Variants in CACNA2D1 observed in about 807,000 individuals in gnomAD.
CACNA2D1 encodes the protein calcium voltage-gated channel auxiliary subunit alpha2delta 1, also known as voltage-dependent calcium channel subunit alpha-2/delta-1.
Under a neutral mutation model 171.5 loss-of-function variants are expected in CACNA2D1, and 53 were observed. The observed-to-expected ratio is 0.31, with a 90% CI of 0.25 to 0.39. The LOEUF is 0.39. Among genes scored for constraint, CACNA2D1 ranks in the 10% least tolerant of loss-of-function variants. The pLI, the probability that CACNA2D1 is intolerant of heterozygous loss-of-function variation, is 1.00. For missense variants in CACNA2D1, 903 were observed against 1,299.8 expected, an observed-to-expected ratio of 0.69 and a Z score of 4.69; for synonymous variants, 442 against 443.1, an observed-to-expected ratio of 1.00 and a Z score of 0.03.
At chr7:82,086,238 A>G (rs905113541) in intron 6 of CACNA2D1, among the ~76,000 whole-genome samples, 2 of 152,218 alleles carry the variant, frequency 1.3e-5, no homozygotes, top group African/African-American at 2.4e-5. Flanking sequence ...CGCCTGTGAA[A>G]CAAGATGCAC....
intron 12 of CACNA2D1, among the ~76,000 whole-genome samples, chr7:82,024,727 A>C (rs1212187588): frequency 6.6e-6 from 1 of 151,670 alleles, no homozygotes; most frequent in African/African-American, 2.4e-5. Context: ...AAATAAATGA[A>C]TGCCATGAAG....
intron 7 of CACNA2D1, among the ~76,000 whole-genome samples, chr7:82,074,385 G>A (rs1265933319): frequency 1.3e-5 from 2 of 151,946 alleles, no homozygotes; most frequent in Admixed American, 6.6e-5. Context: ...CCGCCATTAC[G>A]CCTGGCTAAT....
intron 1 of CACNA2D1, among the ~76,000 whole-genome samples, chr7:82,412,763 G>A (rs530497150): frequency 4.8e-4 from 73 of 151,606 alleles, no homozygotes; most frequent in Non-Finnish European, 9.4e-4. Context: ...GGTCTAAGTG[G>A]TGAAAATTAT....
At chr7:82,410,527 G>A in intron 1 of CACNA2D1, 5 of 985,378 alleles carry the variant, frequency 5.1e-6, no homozygotes, top group Non-Finnish European at 6.0e-6. Flanking sequence ...TGGTCTGAAG[G>A]TGCACGCTAC....
intron 3 of CACNA2D1, among the ~76,000 whole-genome samples, chr7:82,240,578 C>T (rs2129294195): frequency 6.6e-6 from 1 of 152,218 alleles, no homozygotes; most frequent in South Asian, 2.1e-4. Flanking sequence ...TTCTCACAAA[C>T]CGTATCTTTT....
At position 81,980,081 on chromosome 7, in the gene CACNA2D1, G is replaced by A. The variant is rs147110970; in HGVS notation, c.1955+2486C>T. Among the ~76,000 whole-genome samples, 20 of 90,474 alleles carry A rather than the reference G, an allele frequency of 2.2e-4. 1 individual carries two copies. The highest frequency in any genetic ancestry group is 4.3e-3 in the Middle Eastern group (1 of 232). 59.4% of individuals were successfully genotyped at this position (90,474 alleles called of 152,430 possible). ...TGAGGAATTTTTAAGTTGGGATTTC[G>A]GAGGGAGCGGGATGCATATGTATGT... is the stretch of plus-strand genomic sequence containing the variant. On this transcript the variant is annotated intron_variant, in intron 24 of 38. Transcript: ENST00000356860.
chr7:82,145,281 TA>T (rs1221341307), intron 4 of CACNA2D1, among the ~76,000 whole-genome samples: 2 of 144,450 alleles, frequency 1.4e-5, no homozygotes, highest in South Asian at 2.1e-4. Flanking sequence ...TAAAATAAAA[TA>T]AAAAATAAAA....
chr7:82,327,522 TAATCA>T (rs1816800701), intron 3 of CACNA2D1, among the ~76,000 whole-genome samples: 1 of 152,244 alleles, frequency 6.6e-6, no homozygotes. Flanking sequence ...CAGTCTCAGT[TAATCA>T]ATTAAAATAT....
At chr7:82,155,339 G>C (rs957288395) in intron 4 of CACNA2D1, among the ~76,000 whole-genome samples, 1 of 152,088 alleles carries the variant, frequency 6.6e-6, no homozygotes, top group Non-Finnish European at 1.5e-5. Flanking sequence ...ACAATTTGCA[G>C]ATGAGGAAAC....
chr7:82,209,406 C>A (rs966018429), intron 3 of CACNA2D1, among the ~76,000 whole-genome samples: 2 of 152,106 alleles, frequency 1.3e-5, no homozygotes, highest in African/African-American at 4.8e-5. Flanking sequence ...CAATTCATCA[C>A]AACACAATTT....
chr7:82,162,567 A>T (rs1173318010), intron 4 of CACNA2D1, among the ~76,000 whole-genome samples: 1 of 152,014 alleles, frequency 6.6e-6, no homozygotes, highest in African/African-American at 2.4e-5. Flanking sequence ...ACAGACATCC[A>T]GCTACAAACT....
At chr7:82,165,498 G>T in intron 4 of CACNA2D1, among the ~76,000 whole-genome samples, 1 of 152,090 alleles carries the variant, frequency 6.6e-6, no homozygotes, top group East Asian at 1.9e-4. Context: ...AAAAACAAAA[G>T]AGATAGGTTA....
At chr7:82,091,677 G>A (rs998186672) in intron 6 of CACNA2D1, among the ~76,000 whole-genome samples, 3 of 152,186 alleles carry the variant, frequency 2.0e-5, no homozygotes, top group Admixed American at 2.0e-4. Flanking sequence ...AGGGAGAAGG[G>A]CTGTATTTTG....
rs555179293 is a variant in CACNA2D1, at chr7:82,050,708, C to G, written c.879+9720G>C. On this transcript the variant is annotated intron_variant, in intron 10 of 38. Coordinates refer to ENST00000356860, the MANE Select transcript of CACNA2D1 (RefSeq NM_000722.4). ...GAAAGATTCATAAAGAAATGTCTCC[C>G]AACAGTTGGTGGAAAAATGTTGGAA... 4.1e-5 allele frequency: 28 copies of G among 690,500 alleles called. No individual in the cohort carries two copies. In the Admixed American group the frequency reaches 5.8e-4, roughly 14 times the overall value. 42.8% of individuals were successfully genotyped at this position (690,500 alleles called of 1,614,324 possible).
intron 6 of CACNA2D1, among the ~76,000 whole-genome samples, chr7:82,111,376 T>A (rs575634379): frequency 3.4e-5 from 4 of 117,284 alleles, no homozygotes; most frequent in African/African-American, 5.8e-5. Context: ...ATATATATAT[T>A]CATATATGTG....
intron 6 of CACNA2D1, among the ~76,000 whole-genome samples, chr7:82,111,422 ATGTGTG>A (rs1264458945): frequency 0.015 from 1,079 of 71,478 alleles, 52 homozygotes; most frequent in African/African-American, 0.04. Context: ...ATGTGTATAT[ATGTGTG>A]TATATATATA....
chr7:82,048,867 C>T (rs1024044129), intron 10 of CACNA2D1, among the ~76,000 whole-genome samples: 1 of 151,968 alleles, frequency 6.6e-6, no homozygotes, highest in African/African-American at 2.4e-5. Flanking sequence ...TTTTCCTAGT[C>T]CTTCAAGCCC....
At chr7:82,068,994 ATAT>A (rs1352334167) in intron 7 of CACNA2D1, among the ~76,000 whole-genome samples, 1 of 152,178 alleles carries the variant, frequency 6.6e-6, no homozygotes, top group Non-Finnish European at 1.5e-5. Context: ...ATATTTCAAA[ATAT>A]TAATAATCTT....
At chr7:82,043,756 C>A (rs951468206) in intron 10 of CACNA2D1, among the ~76,000 whole-genome samples, 1 of 152,126 alleles carries the variant, frequency 6.6e-6, no homozygotes, top group Non-Finnish European at 1.5e-5. Flanking sequence ...CTTGTCATCA[C>A]ATTATGTCAG....
Sources: gnomAD v4.1 joint callset for allele counts (sites outside exome capture counted in the v4.1 genomes callset) on GRCh38, gnomAD v4.1.1 for gene constraint, MANE v1.5 for transcripts, NCBI Gene and HGNC (gene_info 2026-07-23, HGNC 2026-07-21) for gene names.